Variants in HTR2C observed in about 807,000 individuals in gnomAD.
The protein encoded by HTR2C is 5-hydroxytryptamine receptor 2C.
Under a neutral mutation model 21.0 loss-of-function variants are expected in HTR2C, and 5 were observed. That is an observed-to-expected ratio of 0.24 (90% CI 0.12 to 0.50). HTR2C has a LOEUF of 0.50. HTR2C is among the 20% of genes least tolerant of loss of function. The pLI is 0.98. For missense variants in HTR2C, 271 were observed against 371.2 expected, an observed-to-expected ratio of 0.73 and a Z score of 2.22; for synonymous variants, 150 against 145.3, an observed-to-expected ratio of 1.03 and a Z score of -0.23.
At chrX:114,585,923 G>A (rs1927371723) in intron 1 of HTR2C, among the ~76,000 whole-genome samples, 1 of 110,112 alleles carries the variant, frequency 9.1e-6, no homozygotes. Context: ...TTGGGGGGCG[G>A]GGGGTGAGGA....
chrX:114,742,711 G>GTTT lies in HTR2C; in HGVS notation c.349+11116_349+11118dup, dbSNP rs137858628. Among the ~76,000 whole-genome samples, 201 of 81,384 alleles carry GTTT rather than the reference G, an allele frequency of 2.5e-3. 3 individuals carry two copies. Among genetic ancestry groups the GTTT allele is most frequent in the Admixed American group, 0.015 (95 of 6,400 alleles). The allele number at this position is 81,384 out of a possible 115,157, so 70.7% of individuals were successfully genotyped here. A position where few individuals can be genotyped will look rare whatever the true frequency, so the allele number is the denominator to read the frequency against. On this transcript the variant is annotated intron_variant, in intron 4 of 5. Transcript: ENST00000276198. ...AGCCAAAGCTTCTAAAGCAGCTACT[G>GTTT]TTTTTTTTTTTTTTAATTTTTTTTT...
Position 114,908,266 on chromosome X carries a change from T to C in HTR2C, c.*851T>C, listed in dbSNP as rs1412113513. ...CCCAGAGTTATTTCCCAACCCAGGATTCAACATCAATTGGGTTTTGATCTC... is the reference window on the plus strand; with the variant it reads ...CCCAGAGTTATTTCCCAACCCAGGACTCAACATCAATTGGGTTTTGATCTC... On this transcript the variant is annotated 3_prime_UTR_variant, in exon 6 of 6. Transcript: ENST00000276198. 8.9e-6 allele frequency: 1 copy of C among 112,494 alleles called. No individual in the cohort carries two copies. The highest frequency in any genetic ancestry group is 1.9e-5 in the Non-Finnish European group (1 of 53,220). 9.3% of individuals were successfully genotyped at this position (112,494 alleles called of 1,213,427 possible).
intron 1 of HTR2C, among the ~76,000 whole-genome samples, chrX:114,609,336 A>G (rs1239250305): frequency 8.9e-6 from 1 of 112,013 alleles, no homozygotes; most frequent in Non-Finnish European, 1.9e-5. Context: ...GATCCTATTA[A>G]TTACATCCTC....
chrX:114,682,282 C>T (rs1292601535), intron 2 of HTR2C, among the ~76,000 whole-genome samples: 3 of 110,857 alleles, frequency 2.7e-5, no homozygotes, highest in Non-Finnish European at 5.7e-5. Context: ...CTTTAAAATG[C>T]TACAATTGAG....
At chrX:114,794,254 C>G (rs2070265507) in intron 4 of HTR2C, among the ~76,000 whole-genome samples, 3 of 110,951 alleles carry the variant, frequency 2.7e-5, no homozygotes, top group Non-Finnish European at 5.7e-5. Context: ...ATAATAAACA[C>G]CTATTATGCT....
chrX:114,888,136 C>T (rs2071234317), intron 5 of HTR2C, among the ~76,000 whole-genome samples: 1 of 111,910 alleles, frequency 8.9e-6, no homozygotes, highest in African/African-American at 3.2e-5. Flanking sequence ...AGTATTTTGA[C>T]TAGTTTATCT....
chrX:114,812,470 C>T (rs1001941765), intron 4 of HTR2C, among the ~76,000 whole-genome samples: 6 of 110,802 alleles, frequency 5.4e-5, no homozygotes, highest in Non-Finnish European at 5.7e-5. Flanking sequence ...TGGCTTACAC[C>T]TATAATCCCA....
chrX:114,764,595 T>A (rs781907331), intron 4 of HTR2C, among the ~76,000 whole-genome samples: 1 of 111,401 alleles, frequency 9.0e-6, no homozygotes, highest in East Asian at 2.8e-4. Context: ...AACACTTGAG[T>A]TTTTGCTCAG....
intron 4 of HTR2C, among the ~76,000 whole-genome samples, chrX:114,742,412 G>A (rs1033325681): frequency 2.3e-4 from 26 of 110,933 alleles, no homozygotes; most frequent in African/African-American, 8.2e-4. Flanking sequence ...TCAAAGCAGC[G>A]TAGCCAAGGT....
intron 2 of HTR2C, among the ~76,000 whole-genome samples, chrX:114,681,054 A>G (rs1208911147): frequency 6.3e-5 from 7 of 111,296 alleles, no homozygotes; most frequent in Non-Finnish European, 1.3e-4. Context: ...AACATATTAT[A>G]CTTGTTAACA....
intron 2 of HTR2C, among the ~76,000 whole-genome samples, chrX:114,632,341 A>C (rs1929663048): frequency 8.9e-6 from 1 of 111,770 alleles, no homozygotes; most frequent in African/African-American, 3.2e-5. Flanking sequence ...ACTCCCACAA[A>C]AAGGACATGG....
rs1556487021 is a variant in HTR2C at position 114,906,859 on chromosome X, A to G, written c.821A>G (p.Glu274Gly). The change falls in exon 6 of 6, where the codon GAA becomes GGA. Residue 274 changes from glutamate (E) to glycine (G), a missense_variant. Glu to Gly is a moderately conservative substitution (Grantham distance 98). Transcript: ENST00000276198. The stretch of plus-strand genomic sequence containing the variant: ...TGCTGCAAGAGGAATACGGCCGAGG[A>G]AGAGAACTCTGCAAACCCTAACCAA... ...LKCCKRNTAE[E>G]ENSANPNQDQ... The G allele has an allele frequency of 8.3e-7, 1 of 1,211,307 alleles. No individual in the cohort carries two copies. The highest frequency in any genetic ancestry group is 3.0e-5 in the East Asian group (1 of 33,800).
chrX:114,646,171 AATT>A (rs1462897957), intron 2 of HTR2C, among the ~76,000 whole-genome samples: 1 of 112,038 alleles, frequency 8.9e-6, no homozygotes, highest in Non-Finnish European at 1.9e-5. Context: ...TATCATTTGA[AATT>A]AGGTAAAATC....
intron 4 of HTR2C, among the ~76,000 whole-genome samples, chrX:114,802,811 A>G (rs1556447357): frequency 9.9e-6 from 1 of 100,940 alleles, no homozygotes; most frequent in East Asian, 3.3e-4. Context: ...TTCATGTGCC[A>G]TGCTGGTGAG....
intron 5 of HTR2C, among the ~76,000 whole-genome samples, chrX:114,865,391 A>G (rs1156954026): frequency 8.9e-6 from 1 of 112,185 alleles, no homozygotes; most frequent in Non-Finnish European, 1.9e-5. Flanking sequence ...TCTTGGATAA[A>G]TACTTAAGAG....
intron 2 of HTR2C, among the ~76,000 whole-genome samples, chrX:114,702,426 A>G (rs1403214710): frequency 2.8e-3 from 304 of 109,616 alleles, no homozygotes; most frequent in Non-Finnish European, 4.7e-3. Flanking sequence ...AAAGAAAAGA[A>G]TTTTCAACCC....
At chrX:114,897,279 A>G (rs2071303715) in intron 5 of HTR2C, among the ~76,000 whole-genome samples, 1 of 112,199 alleles carries the variant, frequency 8.9e-6, no homozygotes, top group Non-Finnish European at 1.9e-5. Flanking sequence ...AGGAAAAAAT[A>G]AAAAGTAGTC....
intron 4 of HTR2C, among the ~76,000 whole-genome samples, chrX:114,833,323 C>G (rs2070747705): frequency 9.7e-6 from 1 of 103,011 alleles, no homozygotes; most frequent in Non-Finnish European, 2.0e-5. Context: ...GTGAATCCAT[C>G]TGGTCCTGGA....
intron 4 of HTR2C, among the ~76,000 whole-genome samples, chrX:114,761,038 T>A (rs1484971468): frequency 9.0e-6 from 1 of 111,629 alleles, no homozygotes; most frequent in Non-Finnish European, 1.9e-5. Flanking sequence ...TTAGTAGCAT[T>A]TTTTTTCTTA....
Sources: gnomAD v4.1 joint callset for allele counts (sites outside exome capture counted in the v4.1 genomes callset) on GRCh38, gnomAD v4.1.1 for gene constraint, MANE v1.5 for transcripts, NCBI Gene and HGNC (gene_info 2026-07-23, HGNC 2026-07-21) for gene names.